Variants in MPPED1 observed in about 807,000 individuals in gnomAD.
MPPED1 encodes metallophosphoesterase domain-containing protein 1.
In MPPED1, 16 loss-of-function variants were observed where a neutral mutation model predicts 36.2. That is an observed-to-expected ratio of 0.44 (90% CI 0.30 to 0.67). The LOEUF is 0.67. Among genes scored for constraint, MPPED1 ranks in the 30% least tolerant of loss-of-function variants. The pLI is 0.10. For synonymous variants in MPPED1, 199 were observed against 191.3 expected, an observed-to-expected ratio of 1.04 and a Z score of -0.33; for missense variants, 307 against 453.4, an observed-to-expected ratio of 0.68 and a Z score of 2.93.
intron 3 of MPPED1, among the ~76,000 whole-genome samples, chr22:43,448,697 G>T (rs1455627068): frequency 6.6e-6 from 1 of 151,904 alleles, no homozygotes; most frequent in Non-Finnish European, 1.5e-5. Flanking sequence ...CTGCCTCCAG[G>T]GTTCAAGTGA....
In MPPED1 at chr22:43,485,672, G is replaced by C. The variant is rs1294127225; in HGVS notation, c.632+10711G>C. 2.0e-5 allele frequency among the ~76,000 whole-genome samples: 3 copies of C among 152,300 alleles called. No individual in the cohort carries two copies. The South Asian group carries it at 6.2e-4, about 32-fold the overall frequency. On this transcript the variant is annotated intron_variant, in intron 4 of 6. Transcript: ENST00000443721. ...CTTTCTAGAAGGCCCCTCAACACAC[G>C]TGTGCACACTACTCCACATGAGATT...
rs371217864 is a variant in MPPED1 at position 43,502,912 on chromosome 22, A to G, written c.862+155A>G. On this transcript the variant is annotated intron_variant, in intron 6 of 6. Coordinates refer to ENST00000443721, the MANE Select transcript of MPPED1 (RefSeq NM_001044370.2). The surrounding 1 kb of genome is among the most constrained non-coding windows in gnomAD (Gnocchi z 5.5). ...AACTGCCATACACACCCTGGCTGTC[A>G]ATGAGCTATTGCTAAATGTTTAATA... Among the ~76,000 whole-genome samples, 1 of 152,210 alleles carries G rather than the reference A, an allele frequency of 6.6e-6. No individual in the cohort carries two copies. The highest frequency in any genetic ancestry group is 6.5e-5 in the Admixed American group (1 of 15,280).
intron 4 of MPPED1, among the ~76,000 whole-genome samples, chr22:43,497,953 T>TATATATATATATATATA (rs1932484622): frequency 2.1e-5 from 1 of 47,026 alleles, no homozygotes; most frequent in African/African-American, 2.3e-4. Flanking sequence ...ATATATGTAT[T>TATATATATATATATATA]TAGCTTTCTT....
intron 4 of MPPED1, among the ~76,000 whole-genome samples, chr22:43,475,360 AT>A (rs1269326962): frequency 2.0e-5 from 3 of 151,362 alleles, no homozygotes; most frequent in Non-Finnish European, 4.4e-5. Context: ...TTTAATGAAT[AT>A]TCTATAATGC....
At chr22:43,485,698 A>G (rs948461674) in intron 4 of MPPED1, among the ~76,000 whole-genome samples, 6 of 152,220 alleles carry the variant, frequency 3.9e-5, no homozygotes, top group African/African-American at 1.4e-4. Flanking sequence ...ACATGAGATT[A>G]ATGTTTGAAA....
rs1601980237 is a variant in MPPED1 at position 43,463,829 on chromosome 22, TTCTTTCTTTCTTTC to T, written c.407-10905_407-10892del. ...TTCTTTTCTTTCTTTCTTTCTTTCT[TTCTTTCTTTCTTTC>T]TTTCTTTCTTTCTTTCTTTCTTTCT... On this transcript the variant is annotated intron_variant, in intron 3 of 6. Coordinates refer to ENST00000443721, the MANE Select transcript of MPPED1 (RefSeq NM_001044370.2). 2.3e-4 allele frequency among the ~76,000 whole-genome samples: 32 copies of T among 141,458 alleles called. No individual in the cohort carries two copies. The East Asian group carries it at 2.9e-3, about 13-fold the overall frequency. The allele number at this position is 141,458 out of a possible 152,430, so 92.8% of individuals were successfully genotyped here.
At chr22:43,440,120 C>T (rs569154138) in intron 3 of MPPED1, among the ~76,000 whole-genome samples, 1 of 152,362 alleles carries the variant, frequency 6.6e-6, no homozygotes, top group East Asian at 1.9e-4. Context: ...GGCATGCTGA[C>T]CCCGCTGACG....
intron 4 of MPPED1, among the ~76,000 whole-genome samples, chr22:43,495,655 AGTGGTGGTGGAGGTG>A (rs1569088926): frequency 1.6e-3 from 17 of 10,348 alleles, no homozygotes; most frequent in African/African-American, 3.8e-3. Context: ...TGGTGGAGGT[AGTGGTGGTGGAGGTG>A]GTGGTGGTGG....
intron 4 of MPPED1, among the ~76,000 whole-genome samples, chr22:43,488,154 G>A (rs1322968902): frequency 6.6e-6 from 1 of 152,084 alleles, no homozygotes; most frequent in African/African-American, 2.4e-5. Flanking sequence ...ATCTGTGTGG[G>A]TGTCTGCTCT....
intron 4 of MPPED1, among the ~76,000 whole-genome samples, chr22:43,489,053 C>A (rs957325141): frequency 1.3e-5 from 2 of 152,258 alleles, no homozygotes; most frequent in South Asian, 4.1e-4. Flanking sequence ...CTGACTGGGC[C>A]CCTGGAGCCC....
intron 4 of MPPED1, among the ~76,000 whole-genome samples, chr22:43,480,892 C>T (rs191469036): frequency 9.9e-4 from 148 of 149,664 alleles, no homozygotes; most frequent in African/African-American, 3.6e-3. Flanking sequence ...GGCATGATCT[C>T]GGCTCACTGC....
intron 3 of MPPED1, among the ~76,000 whole-genome samples, chr22:43,441,403 T>C (rs1930144443): frequency 6.6e-6 from 1 of 152,206 alleles, no homozygotes; most frequent in Non-Finnish European, 1.5e-5. Flanking sequence ...GCCAGCCTAC[T>C]GGCCTCCCTT....
intron 4 of MPPED1, among the ~76,000 whole-genome samples, chr22:43,494,856 T>C (rs1273281633): frequency 6.6e-6 from 1 of 152,188 alleles, no homozygotes; most frequent in Non-Finnish European, 1.5e-5. Context: ...GCAGATTCCA[T>C]GTCTGGTGAG....
chr22:43,443,200 G>T (rs1436710990), intron 3 of MPPED1, among the ~76,000 whole-genome samples: 2 of 152,224 alleles, frequency 1.3e-5, no homozygotes, highest in African/African-American at 2.4e-5. Flanking sequence ...ACCCAGCTCT[G>T]AATTCCTGCT....
At chr22:43,476,869 A>G (rs1931593616) in intron 4 of MPPED1, among the ~76,000 whole-genome samples, 1 of 152,126 alleles carries the variant, frequency 6.6e-6, no homozygotes, top group Admixed American at 6.5e-5. Flanking sequence ...TAGAGCTCAG[A>G]TCTGGAGAAG....
chr22:43,491,392 AGGT>A (rs1413961872), intron 4 of MPPED1, among the ~76,000 whole-genome samples: 2 of 151,246 alleles, frequency 1.3e-5, no homozygotes, highest in Admixed American at 6.6e-5. Flanking sequence ...ATGATGGTGG[AGGT>A]GGTGGTGATG....
At chr22:43,412,261 C>T (rs1928928826) in intron 1 of MPPED1, 103 bp downstream of exon 1, 2 of 737,974 alleles carry the variant, frequency 2.7e-6, no homozygotes, top group East Asian at 1.3e-4. Context: ...CGCGGCGCTG[C>T]GCAGGGGCGC....
At chr22:43,477,258 C>T (rs927151276) in intron 4 of MPPED1, among the ~76,000 whole-genome samples, 15 of 152,246 alleles carry the variant, frequency 9.9e-5, no homozygotes, top group Non-Finnish European at 1.8e-4. Flanking sequence ...AAGGGCTGAA[C>T]GCCCCCTCTC....
At position 43,474,247 on chromosome 22, in the gene MPPED1, G is replaced by A. The variant is rs1019283744; in HGVS notation, c.407-489G>A. ...TTCCAGTAGAAAACTAGTCCAGACA[G>A]AAGAAACTGAGGCAGAGAAGTCCCA... On this transcript the variant is annotated intron_variant, in intron 3 of 6. Transcript: ENST00000443721. This position sits in a 1 kb window ranked among gnomAD's most constrained non-coding sequence, Gnocchi z 5.2. Among the ~76,000 whole-genome samples the A allele has an allele frequency of 6.6e-6, 1 of 152,222 alleles. No individual in the cohort carries two copies. The highest frequency in any genetic ancestry group is 1.5e-5 in the Non-Finnish European group (1 of 68,046).
Sources: gnomAD v4.1 joint callset for allele counts (sites outside exome capture counted in the v4.1 genomes callset) on GRCh38, gnomAD v4.1.1 for gene constraint, Gnocchi (gnomAD v3.1) non-coding constraint, MANE v1.5 for transcripts, NCBI Gene and HGNC (gene_info 2026-07-23, HGNC 2026-07-21) for gene names.